Variants in PCDHGB6 observed in about 807,000 individuals in gnomAD.
PCDHGB6 encodes the protein protocadherin gamma-B6.
A neutral mutation model predicts 59.1 loss-of-function variants in PCDHGB6; 51 were observed. That is an observed-to-expected ratio of 0.86 (90% CI 0.69 to 1.09). PCDHGB6 has a LOEUF of 1.09. Among genes scored for constraint, PCDHGB6 ranks in the 50% least tolerant of loss-of-function variants. The pLI, the probability that PCDHGB6 is intolerant of heterozygous loss-of-function variation, is 0.00. For missense variants in PCDHGB6, 1,148 were observed against 1,205.1 expected (o/e 0.95, Z 0.70); for synonymous variants, 466 against 495.1 (o/e 0.94, Z 0.78).
chr5:141,444,184 T>TG, intron 1 of PCDHGB6, among the ~76,000 whole-genome samples: 1 of 138,886 alleles, frequency 7.2e-6, no homozygotes, highest in South Asian at 2.4e-4. Flanking sequence ...TTTTTTTTTT[T>TG]TTTTGAGATG....
At chr5:141,464,929 G>A (rs1358204606) in intron 1 of PCDHGB6, among the ~76,000 whole-genome samples, 1 of 151,878 alleles carries the variant, frequency 6.6e-6, no homozygotes, top group Non-Finnish European at 1.5e-5. Flanking sequence ...TTGTAGAGAT[G>A]TGAGGTCTCA....
chr5:141,430,399 T>G (rs2097282187), intron 1 of PCDHGB6, among the ~76,000 whole-genome samples: 1 of 150,106 alleles, frequency 6.7e-6, no homozygotes, highest in Admixed American at 6.6e-5. Flanking sequence ...AAAAAAAAGC[T>G]CACTAAAGTT....
At chr5:141,435,728 A>T (rs549219746) in intron 1 of PCDHGB6, among the ~76,000 whole-genome samples, 1 of 152,200 alleles carries the variant, frequency 6.6e-6, no homozygotes, top group Non-Finnish European at 1.5e-5. Flanking sequence ...GCTAAAGTGT[A>T]TTACTCTTTG....
chr5:141,451,216 A>G (rs1561943760), intron 1 of PCDHGB6, among the ~76,000 whole-genome samples: 1 of 152,204 alleles, frequency 6.6e-6, no homozygotes, highest in Non-Finnish European at 1.5e-5. Context: ...TTAGTGGCTT[A>G]AAAGAAGCAT....
intron 1 of PCDHGB6, among the ~76,000 whole-genome samples, chr5:141,450,062 A>G (rs546772416): frequency 1.1e-4 from 15 of 142,322 alleles, no homozygotes; most frequent in African/African-American, 4.0e-4. Flanking sequence ...GCTGGAATGC[A>G]GTGGTATGAT....
At position 141,491,257 on chromosome 5, in the gene PCDHGB6, G is replaced by GAAAT. The variant is rs1562145331; in HGVS notation, c.2419-3549_2419-3546dup. On this transcript the variant is annotated intron_variant, in intron 1 of 3. Transcript: ENST00000520790. The surrounding 1 kb of genome is among the most constrained non-coding windows in gnomAD (Gnocchi z 6.9). ...GGTTCTGGAGGATGAGGACCCTGAG[G>GAAAT]AAATGCCCAAATCCAGTGACTTCCT... is the stretch of plus-strand genomic sequence containing the variant. 6.2e-7 allele frequency: 1 copy of GAAAT among 1,614,170 alleles called. No individual in the cohort carries two copies. Among genetic ancestry groups the GAAAT allele is most frequent in the East Asian group, 2.2e-5 (1 of 44,884 alleles).
chr5:141,511,560 T>C lies in PCDHGB6; in HGVS notation c.*387T>C. ...CCACCCCACTCCAACAGTTCCTCTT[T>C]CCCGAGTAAGGTGGTTGGGGTGTTG... On this transcript the variant is annotated 3_prime_UTR_variant, in exon 4 of 4. Coordinates refer to ENST00000520790, the MANE Select transcript of PCDHGB6 (RefSeq NM_018926.3). The C allele has an allele frequency of 3.3e-6, 1 of 298,990 alleles. No homozygotes were observed. The highest frequency in any genetic ancestry group is 3.7e-5 in the South Asian group (1 of 27,250). The allele number at this position is 298,990 out of a possible 1,614,324, so 18.5% of individuals were successfully genotyped here.
At chr5:141,435,024 C>T (rs1263332887) in intron 1 of PCDHGB6, among the ~76,000 whole-genome samples, 3 of 151,970 alleles carry the variant, frequency 2.0e-5, no homozygotes, top group Non-Finnish European at 4.4e-5. Context: ...ATGCTCTTTT[C>T]CCACTTTTAT....
chr5:141,418,822 A>C (rs780172404), intron 1 of PCDHGB6: 9 of 1,613,988 alleles, frequency 5.6e-6, no homozygotes, highest in Non-Finnish European at 7.6e-6. Flanking sequence ...ACATAGAAGC[A>C]AAAGACCGAG....
rs2233605 is a variant in PCDHGB6 at position 141,490,412 on chromosome 5, C to A, written c.2419-4395C>A. ...GGTGAAGTGAGCCTTGATATCTCTC[C>A]GGACCTGCCATTTCAGATTAAGCCT... On this transcript the variant is annotated intron_variant, in intron 1 of 3. Transcript: ENST00000520790. This position sits in a 1 kb window ranked among gnomAD's most constrained non-coding sequence, Gnocchi z 5.4. 1.3e-4 allele frequency: 203 copies of A among 1,614,064 alleles called. 1 individual carries two copies. The highest frequency in any genetic ancestry group is 3.5e-4 in the South Asian group (32 of 91,086).
intron 1 of PCDHGB6, among the ~76,000 whole-genome samples, chr5:141,494,341 G>C (rs565090556): frequency 9.2e-5 from 14 of 152,352 alleles, no homozygotes; most frequent in Admixed American, 9.1e-4. Context: ...ACCAAGAACA[G>C]CAGCCATCTT....
At chr5:141,447,950 G>T (rs1195519095) in intron 1 of PCDHGB6, among the ~76,000 whole-genome samples, 1 of 152,052 alleles carries the variant, frequency 6.6e-6, no homozygotes, top group Non-Finnish European at 1.5e-5. Flanking sequence ...GCTGGGCATG[G>T]TGGCGGACAC....
In PCDHGB6 at chr5:141,476,599, TC is replaced by T; in HGVS notation, c.2419-18205del. The T allele has an allele frequency of 6.2e-7, 1 of 1,614,210 alleles. No individual in the cohort carries two copies. ...GCTTTCCGCTCGAGAGCGCGCACGA[TC>T]CCGATGTGGGAAGCAACTCTTTACA... is the stretch of plus-strand genomic sequence containing the variant. On this transcript the variant is annotated intron_variant, in intron 1 of 3. Transcript: ENST00000520790. This position sits in a 1 kb window ranked among gnomAD's most constrained non-coding sequence, Gnocchi z 7.6.
rs775898365 is a variant in PCDHGB6 at position 141,476,425 on chromosome 5, T to C, written c.2419-18382T>C. On this transcript the variant is annotated intron_variant, in intron 1 of 3. Transcript: ENST00000520790. This position sits in a 1 kb window ranked among gnomAD's most constrained non-coding sequence, Gnocchi z 7.6. ...AGGAGCTGTGTGGGACACTGCCCTC[T>C]TGCACTGTAACTCTGGAGTTGGTAG... is the stretch of plus-strand genomic sequence containing the variant. The C allele has an allele frequency of 1.2e-6, 2 of 1,614,108 alleles. No homozygotes were observed. Among genetic ancestry groups the C allele is most frequent in the East Asian group, 4.5e-5 (2 of 44,848 alleles).
chr5:141,489,563 T>C lies in PCDHGB6; in HGVS notation c.2419-5244T>C, dbSNP rs2099689031. ...ACCAGCTGCCTGCTGCCAGTGCAGG[T>C]GGTGACTGAACACCCCCTGGAGCTA... On this transcript the variant is annotated intron_variant, in intron 1 of 3. Coordinates refer to ENST00000520790, the MANE Select transcript of PCDHGB6 (RefSeq NM_018926.3). The surrounding 1 kb of genome is among the most constrained non-coding windows in gnomAD (Gnocchi z 4.5). 13 of 1,614,006 alleles carry C rather than the reference T, an allele frequency of 8.1e-6. No homozygotes were observed. The highest frequency in any genetic ancestry group is 1.1e-5 in the Non-Finnish European group (13 of 1,179,976).
At chr5:141,500,789 C>G (rs1006758925) in intron 2 of PCDHGB6, among the ~76,000 whole-genome samples, 2 of 152,142 alleles carry the variant, frequency 1.3e-5, no homozygotes, top group African/African-American at 4.8e-5. Flanking sequence ...TATTATTTTA[C>G]AGAATAAGTC....
intron 1 of PCDHGB6, chr5:141,414,621 C>G: frequency 6.2e-7 from 1 of 1,613,996 alleles, no homozygotes; most frequent in Non-Finnish European, 8.5e-7. Flanking sequence ...CAGCGCTGGA[C>G]CCGGACAGCA....
Position 141,432,026 on chromosome 5 carries a change from A to G in PCDHGB6, c.2418+21406A>G, listed in dbSNP as rs1591124077. On this transcript the variant is annotated intron_variant, in intron 1 of 3. Coordinates refer to ENST00000520790, the MANE Select transcript of PCDHGB6 (RefSeq NM_018926.3). The surrounding 1 kb of genome is among the most constrained non-coding windows in gnomAD (Gnocchi z 6.0). ...GGTTCCTAGCTACAACATCACAGTG[A>G]CCGCCACTGACCGGGGAACCCCGCC... The G allele has an allele frequency of 1.9e-6, 3 of 1,614,152 alleles. 1 individual carries two copies. Among genetic ancestry groups the G allele is most frequent in the Middle Eastern group, 3.3e-4 (2 of 6,062 alleles).
At chr5:141,479,823 G>A (rs1208437635) in intron 1 of PCDHGB6, among the ~76,000 whole-genome samples, 1 of 152,172 alleles carries the variant, frequency 6.6e-6, no homozygotes, top group Admixed American at 6.5e-5. Context: ...TACTATCCAA[G>A]GCATGGTATC....
Sources: gnomAD v4.1 joint callset for allele counts (sites outside exome capture counted in the v4.1 genomes callset) on GRCh38, gnomAD v4.1.1 for gene constraint, Gnocchi (gnomAD v3.1) non-coding constraint, MANE v1.5 for transcripts, NCBI Gene and HGNC (gene_info 2026-07-23, HGNC 2026-07-21) for gene names.